HPSE2: variants seen among roughly 807,000 people sequenced by gnomAD.
The protein encoded by HPSE2 is heparanase 2 (inactive).
In HPSE2, 38 loss-of-function variants were observed where a neutral mutation model predicts 60.5. The observed-to-expected ratio is 0.63, with a 90% CI of 0.48 to 0.82. HPSE2 has a LOEUF of 0.82. Among genes scored for constraint, HPSE2 ranks in the 40% least tolerant of loss-of-function variants. HPSE2 has a pLI of 0.00. For missense variants in HPSE2, 713 were observed against 740.4 expected, an observed-to-expected ratio of 0.96 and a Z score of 0.43; for synonymous variants, 295 against 293.2, an observed-to-expected ratio of 1.01 and a Z score of -0.06.
intron 3 of HPSE2, among the ~76,000 whole-genome samples, chr10:98,988,377 A>G (rs1392037880): frequency 9.2e-5 from 14 of 152,302 alleles, no homozygotes; most frequent in African/African-American, 2.9e-4. Context: ...CAAACCTGAG[A>G]AAAACAAGCA....
intron 3 of HPSE2, among the ~76,000 whole-genome samples, chr10:98,750,040 G>A (rs917879049): frequency 6.6e-6 from 1 of 150,960 alleles, no homozygotes; most frequent in Non-Finnish European, 1.5e-5. Flanking sequence ...TGGCTGGCAG[G>A]AGAAGTAAAG....
intron 3 of HPSE2, among the ~76,000 whole-genome samples, chr10:99,112,406 T>TG (rs1386721893): frequency 6.7e-5 from 9 of 134,588 alleles, no homozygotes; most frequent in African/African-American, 2.4e-4. Context: ...TGCCCGGCTT[T>TG]TTTTTGTTGT....
At chr10:98,915,098 C>A (rs905197605) in intron 3 of HPSE2, among the ~76,000 whole-genome samples, 2 of 150,468 alleles carry the variant, frequency 1.3e-5, no homozygotes, top group South Asian at 4.2e-4. Flanking sequence ...ACTTATATAA[C>A]CTCGATAAAC....
chr10:98,642,239 G>A (rs1448700257), intron 6 of HPSE2, among the ~76,000 whole-genome samples: 1 of 152,000 alleles, frequency 6.6e-6, no homozygotes, highest in African/African-American at 2.4e-5. Context: ...TGGATAATGA[G>A]GAATACTTTT....
intron 9 of HPSE2, among the ~76,000 whole-genome samples, chr10:98,570,824 G>A (rs1410670114): frequency 2.7e-5 from 1 of 37,170 alleles, no homozygotes; most frequent in African/African-American, 4.7e-5. Context: ...TCTAAGTTTG[G>A]GGTTGAAATG....
chr10:98,984,946 G>T (rs1417863445), intron 3 of HPSE2, among the ~76,000 whole-genome samples: 1 of 152,110 alleles, frequency 6.6e-6, no homozygotes. Context: ...AGAGAAAAAA[G>T]AATAAAAAGA....
In HPSE2 at chr10:99,018,701, A is replaced by C. The variant is rs188020097; in HGVS notation, c.610+125537T>G. Among the ~76,000 whole-genome samples the C allele has an allele frequency of 1.2e-3, 183 of 152,292 alleles. 2 individuals carry two copies. Among genetic ancestry groups the C allele is most frequent in the Non-Finnish European group, 3.7e-4 (25 of 68,024 alleles). On this transcript the variant is annotated intron_variant, in intron 3 of 11. Transcript: ENST00000370552. ...GGGAATGCTCAATATGACAAGGAAA[A>C]TGTATGACAAATAATATCTTCAATA...
intron 2 of HPSE2, among the ~76,000 whole-genome samples, chr10:99,153,421 C>A (rs1846372343): frequency 6.6e-6 from 1 of 152,224 alleles, no homozygotes; most frequent in Non-Finnish European, 1.5e-5. Flanking sequence ...GGGCAGACTG[C>A]CTCCTCAAGT....
In HPSE2 at chr10:99,235,669, C is replaced by T; in HGVS notation, c.134G>A (p.Arg45Lys). ...TGCAGCTCTGTCTACAGGCAAGGGT[C>T]TCCTGTCTCCAGCCTGGGAGGAAAG... ...LSLSSQAGDR[R>K]PLPVDRAAGL... The change falls in exon 1 of 12, where the codon AGA becomes AAA. Residue 45 changes from arginine (R) to lysine (K), a missense_variant. Physicochemically the swap from Arg to Lys is conservative, Grantham distance 26. Transcript: ENST00000370552. 1 of 1,614,032 alleles carries T rather than the reference C, an allele frequency of 6.2e-7. No homozygotes were observed. The highest frequency in any genetic ancestry group is 8.5e-7 in the Non-Finnish European group (1 of 1,180,014).
At chr10:98,807,877 G>A (rs1951078231) in intron 3 of HPSE2, among the ~76,000 whole-genome samples, 1 of 152,102 alleles carries the variant, frequency 6.6e-6, no homozygotes, top group African/African-American at 2.4e-5. Context: ...AAAGCGTACT[G>A]GTAGGCAAAC....
chr10:98,798,189 T>TA (rs1051124329), intron 3 of HPSE2, among the ~76,000 whole-genome samples: 132 of 143,544 alleles, frequency 9.2e-4, no homozygotes, highest in African/African-American at 1.3e-3. Context: ...AAATGCTAAA[T>TA]AAAAAAAAAA....
intron 2 of HPSE2, among the ~76,000 whole-genome samples, chr10:99,225,035 C>T (rs889152669): frequency 1.3e-5 from 2 of 151,992 alleles, no homozygotes; most frequent in Non-Finnish European, 1.5e-5. Context: ...TAGTGAACTG[C>T]AGCTCACACT....
intron 5 of HPSE2, among the ~76,000 whole-genome samples, chr10:98,707,345 C>T (rs972099429): frequency 1.3e-5 from 2 of 152,060 alleles, no homozygotes; most frequent in African/African-American, 2.4e-5. Flanking sequence ...ATCATTAATG[C>T]CCTACTTGGC....
chr10:98,578,217 TGTCTCTGAGACTCTGATTCTTGATGA>T (rs1438571542), intron 9 of HPSE2, among the ~76,000 whole-genome samples: 1 of 152,230 alleles, frequency 6.6e-6, no homozygotes, highest in East Asian at 1.9e-4. Flanking sequence ...GTTGCTGTTT[TGTCTCTGAGACTCTGATTCTTGATGA>T]GATCTCCTCT....
chr10:99,237,331 T>G (rs553716214), upstream of HPSE2, among the ~76,000 whole-genome samples: 20 of 152,232 alleles, frequency 1.3e-4, no homozygotes, highest in South Asian at 3.5e-3. Context: ...GAGCAAGGGT[T>G]TTCCCCAGAA....
chr10:99,234,766 T>C (rs1849782394), intron 1 of HPSE2, among the ~76,000 whole-genome samples: 4 of 151,850 alleles, frequency 2.6e-5, no homozygotes, highest in Admixed American at 1.3e-4. Flanking sequence ...GCTTCCCTTA[T>C]AACGCTGTGA....
At chr10:98,904,350 G>A (rs1281465638) in intron 3 of HPSE2, among the ~76,000 whole-genome samples, 5 of 152,150 alleles carry the variant, frequency 3.3e-5, no homozygotes, top group Non-Finnish European at 7.4e-5. Context: ...ATGGTTGGAA[G>A]AGACAAAGGC....
At chr10:98,768,524 G>A (rs749647558) in intron 3 of HPSE2, among the ~76,000 whole-genome samples, 8 of 152,138 alleles carry the variant, frequency 5.3e-5, no homozygotes, top group Non-Finnish European at 7.4e-5. Context: ...ATTATTTGAT[G>A]ACTTGATCAT....
At chr10:99,153,193 C>T (rs1738537320) in intron 2 of HPSE2, among the ~76,000 whole-genome samples, 1 of 152,178 alleles carries the variant, frequency 6.6e-6, no homozygotes, top group African/African-American at 2.4e-5. Context: ...CCGCCATTGC[C>T]CAGGCTTGCT....
Sources: gnomAD v4.1 joint callset for allele counts (sites outside exome capture counted in the v4.1 genomes callset) on GRCh38, gnomAD v4.1.1 for gene constraint, MANE v1.5 for transcripts, NCBI Gene and HGNC (gene_info 2026-07-23, HGNC 2026-07-21) for gene names.